CRB1: variants seen among roughly 807,000 people sequenced by gnomAD.
CRB1 encodes the protein protein crumbs homolog 1.
A neutral mutation model predicts 120.0 loss-of-function variants in CRB1; 83 were observed. The observed-to-expected ratio is 0.69, with a 90% CI of 0.58 to 0.83. CRB1 has a LOEUF of 0.83. Among genes scored for constraint, CRB1 ranks in the 40% least tolerant of loss-of-function variants. The pLI is 0.00. For missense variants in CRB1, 1,699 were observed against 1,687.6 expected (o/e 1.01, Z -0.12); for synonymous variants, 625 against 612.5 (o/e 1.02, Z -0.30).
chr1:197,435,565 T>C lies in CRB1; in HGVS notation c.3702T>C (p.Asn1234=), dbSNP rs747978870. 7 of 1,613,502 alleles carry C rather than the reference T, an allele frequency of 4.3e-6. No homozygotes were observed. The Admixed American group carries it at 1.0e-4, about 23-fold the overall frequency. ...GAGCCACCTGCATTAGTCATACTAA[T>C]GGCTATTCTTGCCTCTGTTTTGGAA... ...ANGATCISHT[N]GYSCLCFGNF... is the part of the protein sequence containing the mutation. The change falls in exon 9 of 12, where the codon AAT becomes AAC. Residue 1234 remains asparagine (N), a synonymous_variant. Coordinates refer to ENST00000367400, the MANE Select transcript of CRB1 (RefSeq NM_201253.3).
rs575004522 is a variant in CRB1, at chr1:197,409,020, T to A, written c.1172-11980T>A. Among the ~76,000 whole-genome samples the A allele has an allele frequency of 2.0e-5, 3 of 152,334 alleles. No homozygotes were observed. The South Asian group carries it at 6.2e-4, about 32-fold the overall frequency. ...CTATTTTGTCTTTCGTTTGAAGATC[T>A]CAGAATACTTTCCACACAATAGACT... On this transcript the variant is annotated intron_variant, in intron 5 of 11. Coordinates refer to ENST00000367400, the MANE Select transcript of CRB1 (RefSeq NM_201253.3).
chr1:197,438,435 C>A, intron 9 of CRB1, 112 bp from the exon 10 acceptor site: 1 of 1,319,134 alleles, frequency 7.6e-7, no homozygotes. Flanking sequence ...GCTCCTCCAG[C>A]CTGAGTACTT....
chr1:197,340,967 G>A (rs775577105), intron 2 of CRB1, among the ~76,000 whole-genome samples: 7 of 152,122 alleles, frequency 4.6e-5, no homozygotes, highest in South Asian at 2.1e-4. Context: ...GGAACAAGTT[G>A]CGTCTTACAT....
At chr1:197,248,148 A>C in the CRB1 span, among the ~76,000 whole-genome samples, 1 of 152,028 alleles carries the variant, frequency 6.6e-6, no homozygotes, top group Non-Finnish European at 1.5e-5. Context: ...ATTATTTTAT[A>C]TGAAAAATGC....
At chr1:197,388,357 T>A (rs1662326628) in intron 5 of CRB1, among the ~76,000 whole-genome samples, 1 of 152,034 alleles carries the variant, frequency 6.6e-6, no homozygotes, top group Non-Finnish European at 1.5e-5. Context: ...CATCATTATA[T>A]CCTAAACATT....
chr1:197,396,223 T>C (rs191398078), intron 5 of CRB1, among the ~76,000 whole-genome samples: 33 of 152,252 alleles, frequency 2.2e-4, no homozygotes, highest in African/African-American at 7.7e-4. Context: ...ATTTTTAAAG[T>C]ACTATTAATT....
intron 1 of CRB1, among the ~76,000 whole-genome samples, chr1:197,312,514 G>A (rs1657594315): frequency 6.6e-6 from 1 of 152,154 alleles, no homozygotes; most frequent in Non-Finnish European, 1.5e-5. Context: ...CCCAGGATGG[G>A]GAGGTTGCAG....
intron 1 of CRB1, among the ~76,000 whole-genome samples, chr1:197,305,162 T>C (rs556628582): frequency 6.6e-6 from 1 of 152,312 alleles, no homozygotes; most frequent in South Asian, 2.1e-4. Context: ...GTTCTTAGGT[T>C]ACTGGGGAAC....
chr1:197,410,759 G>A (rs1367846157), intron 5 of CRB1, among the ~76,000 whole-genome samples: 1 of 152,172 alleles, frequency 6.6e-6, no homozygotes, highest in African/African-American at 2.4e-5. Flanking sequence ...TCTTAGGACT[G>A]GGAGAATCAC....
At chr1:197,431,984 A>G (rs1664891316) in intron 8 of CRB1, among the ~76,000 whole-genome samples, 1 of 152,126 alleles carries the variant, frequency 6.6e-6, no homozygotes, top group South Asian at 2.1e-4. Flanking sequence ...GGAACAAGAT[A>G]CTCTTGAGAG....
chr1:197,287,661 G>C (rs972834170), intron 1 of CRB1, among the ~76,000 whole-genome samples: 1 of 151,766 alleles, frequency 6.6e-6, no homozygotes, highest in Non-Finnish European at 1.5e-5. Flanking sequence ...CTCATGTGCA[G>C]TTTATCCAAG....
intron 5 of CRB1, among the ~76,000 whole-genome samples, chr1:197,419,987 GA>G (rs398053681): frequency 1.7e-4 from 8 of 46,836 alleles, no homozygotes; most frequent in Non-Finnish European, 2.4e-4. Context: ...TCTCAAAAAC[GA>G]AAAAAAAAAA....
chr1:197,409,116 G>A (rs749531431), intron 5 of CRB1, among the ~76,000 whole-genome samples: 9 of 152,122 alleles, frequency 5.9e-5, no homozygotes, highest in Non-Finnish European at 1.3e-4. Context: ...CAAATATCAG[G>A]TCTGGAGAGT....
chr1:197,206,759 T>C, the CRB1 span, among the ~76,000 whole-genome samples: 1 of 152,312 alleles, frequency 6.6e-6, no homozygotes, highest in South Asian at 2.1e-4. Context: ...CCATTTGTTC[T>C]AAAGTATAGT....
At chr1:197,354,610 C>T (rs1194757283) in intron 4 of CRB1, among the ~76,000 whole-genome samples, 1 of 152,040 alleles carries the variant, frequency 6.6e-6, no homozygotes, top group African/African-American at 2.4e-5. Flanking sequence ...CTGGAGGGTT[C>T]GTGGTCTTGT....
At chr1:197,227,127 T>G in the CRB1 span, among the ~76,000 whole-genome samples, 1 of 152,076 alleles carries the variant, frequency 6.6e-6, no homozygotes, top group Non-Finnish European at 1.5e-5. Flanking sequence ...AATCATGCCT[T>G]CCCAACAGTC....
chr1:197,223,085 T>C, the CRB1 span: 1 of 799,694 alleles, frequency 1.3e-6, no homozygotes, highest in Non-Finnish European at 2.3e-6. Flanking sequence ...AGCAAGTCCC[T>C]ATAACCTTGC....
intron 2 of CRB1, among the ~76,000 whole-genome samples, chr1:197,332,190 A>C (rs1250353905): frequency 6.6e-6 from 1 of 152,098 alleles, no homozygotes; most frequent in African/African-American, 2.4e-5. Flanking sequence ...AGCTAGAAAG[A>C]GTATATTCTA....
At chr1:197,272,321 C>T (rs1158551681) in intron 1 of CRB1, among the ~76,000 whole-genome samples, 1 of 152,126 alleles carries the variant, frequency 6.6e-6, no homozygotes, top group Non-Finnish European at 1.5e-5. Flanking sequence ...GAAATAATCT[C>T]ATCAGTTTAC....
Sources: gnomAD v4.1 joint callset for allele counts (sites outside exome capture counted in the v4.1 genomes callset) on GRCh38, gnomAD v4.1.1 for gene constraint, MANE v1.5 for transcripts, NCBI Gene and HGNC (gene_info 2026-07-23, HGNC 2026-07-21) for gene names.